The following HDAC9 variants were observed in gnomAD, a reference collection of about 807,000 sequenced individuals.
The protein encoded by HDAC9 is histone deacetylase 9, also known as MEF-2 interacting transcription repressor (MITR) protein.
Under a neutral mutation model 139.4 loss-of-function variants are expected in HDAC9, and 41 were observed. The observed-to-expected ratio is 0.29, with a 90% CI of 0.23 to 0.38. The LOEUF (loss-of-function observed/expected upper bound fraction) is 0.38, where lower values mean the gene tolerates loss of function less well. Ranked by LOEUF, HDAC9 falls within the 10% of genes least tolerant of loss-of-function variation. The pLI is 1.00. For missense variants in HDAC9, 1,147 were observed against 1,297.0 expected (o/e 0.88, Z 1.78); for synonymous variants, 517 against 476.2 (o/e 1.09, Z -1.12).
intron 2 of HDAC9, among the ~76,000 whole-genome samples, chr7:18,513,565 A>T (rs778387543): frequency 6.6e-6 from 1 of 152,210 alleles, no homozygotes; most frequent in Non-Finnish European, 1.5e-5. Flanking sequence ...AGCCAATGCC[A>T]AGGCCCTTGA....
chr7:18,593,428 G>C (rs1831547496), intron 5 of HDAC9, among the ~76,000 whole-genome samples: 1 of 152,096 alleles, frequency 6.6e-6, no homozygotes, highest in Non-Finnish European at 1.5e-5. Context: ...GGAGATGGGA[G>C]TCCGTTGGCA....
chr7:18,392,989 A>T (rs184650442), intron 1 of HDAC9, among the ~76,000 whole-genome samples: 50 of 151,794 alleles, frequency 3.3e-4, no homozygotes, highest in African/African-American at 1.1e-3. Flanking sequence ...ATTTTTAAAG[A>T]AAATAATTAA....
intron 2 of HDAC9, among the ~76,000 whole-genome samples, chr7:18,571,549 T>C (rs1824285098): frequency 6.6e-6 from 1 of 152,234 alleles, no homozygotes; most frequent in African/African-American, 2.4e-5. Flanking sequence ...AAAGAAATGT[T>C]TTTCTTTTCT....
chr7:18,590,436 G>T lies in HDAC9; in HGVS notation c.365G>T (p.Arg122Leu), dbSNP rs769621883. ...CAAGAACAGGAAGTAGAGAGGCATC[G>T]CAGAGAACAGCAGCTTCCTCCTCTC... ...QRQEQEVERHRREQQLPPLRG... is the reference protein window; with the variant it reads ...QRQEQEVERHLREQQLPPLRG... The change falls in exon 4 of 26, where the codon CGC becomes CTC. Residue 122 changes from arginine to leucine, a missense_variant. By Grantham distance (102) the Arg-to-Leu change is moderately radical (BLOSUM62 -2). Coordinates refer to ENST00000686413, the MANE Select transcript of HDAC9 (RefSeq NM_178425.4). 1.9e-6 allele frequency: 3 copies of T among 1,605,918 alleles called. No homozygotes were observed. The highest frequency in any genetic ancestry group is 2.6e-6 in the Non-Finnish European group (3 of 1,175,948).
At chr7:18,560,759 T>C (rs1318693987) in intron 2 of HDAC9, among the ~76,000 whole-genome samples, 1 of 152,002 alleles carries the variant, frequency 6.6e-6, no homozygotes, top group African/African-American at 2.4e-5. Flanking sequence ...AGGTGAAGCA[T>C]TTTGATGTGG....
At chr7:18,734,304 T>C (rs1025773663) in intron 13 of HDAC9, among the ~76,000 whole-genome samples, 7 of 152,318 alleles carry the variant, frequency 4.6e-5, no homozygotes, top group African/African-American at 1.7e-4. Flanking sequence ...TAGGTACACA[T>C]GTGCCATGTT....
At chr7:18,110,898 T>G (rs902428642) in intron 1 of HDAC9, among the ~76,000 whole-genome samples, 10 of 152,140 alleles carry the variant, frequency 6.6e-5, no homozygotes, top group Non-Finnish European at 1.5e-5. Flanking sequence ...AGTCTGGGAT[T>G]CTTTCACATG....
chr7:18,915,460 T>C (rs1025852068), intron 22 of HDAC9, among the ~76,000 whole-genome samples: 1 of 151,870 alleles, frequency 6.6e-6, no homozygotes, highest in African/African-American at 2.4e-5. Context: ...TGCCTCACTT[T>C]GGAGAGGAAA....
intron 24 of HDAC9, among the ~76,000 whole-genome samples, chr7:18,970,185 T>A (rs1784155525): frequency 6.6e-6 from 1 of 152,114 alleles, no homozygotes; most frequent in Non-Finnish European, 1.5e-5. Flanking sequence ...AAACAAAAAA[T>A]ACATTTTTCA....
intron 11 of HDAC9, among the ~76,000 whole-genome samples, chr7:18,662,361 G>A (rs1427735542): frequency 1.4e-5 from 2 of 147,278 alleles, no homozygotes; most frequent in Non-Finnish European, 3.0e-5. Flanking sequence ...ACAGTGAAGA[G>A]CGATAACTCA....
chr7:18,362,200 A>G (rs1321615298), intron 1 of HDAC9, among the ~76,000 whole-genome samples: 1 of 152,204 alleles, frequency 6.6e-6, no homozygotes, highest in East Asian at 1.9e-4. Flanking sequence ...GACTTTCCGC[A>G]TTTATTCCAG....
chr7:18,198,754 T>TA (rs1287539529), intron 2 of HDAC9, among the ~76,000 whole-genome samples: 1 of 152,168 alleles, frequency 6.6e-6, no homozygotes, highest in African/African-American at 2.4e-5. Flanking sequence ...AACTCTATTT[T>TA]AAAAATGTGC....
At chr7:18,174,975 A>G (rs1270398360) in intron 2 of HDAC9, among the ~76,000 whole-genome samples, 3 of 152,294 alleles carry the variant, frequency 2.0e-5, no homozygotes, top group East Asian at 3.9e-4. Context: ...TGGGAGAACT[A>G]CTGCTCTCTT....
At chr7:18,374,156 G>C (rs1784801544) in intron 1 of HDAC9, among the ~76,000 whole-genome samples, 5 of 148,236 alleles carry the variant, frequency 3.4e-5, no homozygotes, top group Admixed American at 2.7e-4. Context: ...ATATATACTA[G>C]ATATATGTAG....
chr7:18,714,749 C>A (rs565324634), intron 12 of HDAC9, among the ~76,000 whole-genome samples: 2 of 152,298 alleles, frequency 1.3e-5, no homozygotes, highest in Admixed American at 6.5e-5. Flanking sequence ...ACCTCCATTG[C>A]TCTTTTATAA....
intron 1 of HDAC9, among the ~76,000 whole-genome samples, chr7:18,451,401 G>GTGTA (rs760861605): frequency 0.086 from 11,583 of 134,742 alleles, 544 homozygotes; most frequent in Middle Eastern, 0.13. Context: ...GTGTGTGTGT[G>GTGTA]TATATATGTG....
intron 22 of HDAC9, among the ~76,000 whole-genome samples, chr7:18,921,283 G>A (rs975643904): frequency 3.3e-5 from 5 of 152,134 alleles, no homozygotes; most frequent in African/African-American, 9.7e-5. Context: ...ACCACCATCA[G>A]AGTGAACAGG....
At chr7:18,175,775 C>A (rs913171024) in intron 2 of HDAC9, among the ~76,000 whole-genome samples, 1 of 141,264 alleles carries the variant, frequency 7.1e-6, no homozygotes, top group African/African-American at 2.6e-5. Context: ...TTAACCCCCC[C>A]CCCCCTTTTT....
intron 1 of HDAC9, among the ~76,000 whole-genome samples, chr7:18,155,096 T>TCTTTCTTTC (rs373149531): frequency 6.8e-6 from 1 of 147,736 alleles, no homozygotes; most frequent in African/African-American, 2.6e-5. Context: ...TTTCTTTCTT[T>TCTTTCTTTC]TTTTTTTTTT....
Sources: gnomAD v4.1 joint callset for allele counts (sites outside exome capture counted in the v4.1 genomes callset) on GRCh38, gnomAD v4.1.1 for gene constraint, MANE v1.5 for transcripts, NCBI Gene and HGNC (gene_info 2026-07-23, HGNC 2026-07-21) for gene names.